The following KCNH7 variants were observed in gnomAD, a reference collection of about 807,000 sequenced individuals.
The protein encoded by KCNH7 is voltage-gated inwardly rectifying potassium channel KCNH7.
KCNH7 carries 49 observed loss-of-function variants against 120.8 expected under a neutral mutation model. The observed-to-expected ratio is 0.41, with a 90% confidence interval of 0.32 to 0.51. The LOEUF is 0.51. Ranked by LOEUF, KCNH7 falls within the 20% of genes least tolerant of loss-of-function variation. The pLI is 0.38. For synonymous variants in KCNH7, 547 were observed against 516.1 expected (o/e 1.06, Z -0.81); for missense variants, 1,097 against 1,446.6 (o/e 0.76, Z 3.92).
intron 8 of KCNH7, among the ~76,000 whole-genome samples, chr2:162,433,506 T>C (rs749106685): frequency 6.6e-6 from 1 of 151,830 alleles, no homozygotes; most frequent in Non-Finnish European, 1.5e-5. Flanking sequence ...TTCAACAAAG[T>C]TGATGAAAAT....
chr2:162,581,136 A>C (rs992282834), intron 2 of KCNH7, among the ~76,000 whole-genome samples: 5 of 152,012 alleles, frequency 3.3e-5, no homozygotes, highest in African/African-American at 1.2e-4. Context: ...CTGAAATTTG[A>C]TAGATCCCTG....
chr2:162,441,448 A>T (rs899389915), intron 7 of KCNH7, among the ~76,000 whole-genome samples: 9 of 152,118 alleles, frequency 5.9e-5, no homozygotes, highest in Non-Finnish European at 1.3e-4. Flanking sequence ...AGAGCACAGT[A>T]GTTACTTAGG....
intron 2 of KCNH7, among the ~76,000 whole-genome samples, chr2:162,570,162 T>C (rs1338317066): frequency 2.7e-5 from 4 of 149,298 alleles, no homozygotes; most frequent in African/African-American, 1.0e-4. Flanking sequence ...TGTGTGGGAG[T>C]CTAAGTCTCT....
At chr2:162,630,431 C>G (rs1477304735) in intron 2 of KCNH7, among the ~76,000 whole-genome samples, 2 of 150,748 alleles carry the variant, frequency 1.3e-5, no homozygotes, top group Non-Finnish European at 3.0e-5. Context: ...CATCTACAAC[C>G]AATAGATGCG....
chr2:162,595,843 G>A (rs1201704201), intron 2 of KCNH7, among the ~76,000 whole-genome samples: 3 of 151,584 alleles, frequency 2.0e-5, no homozygotes, highest in African/African-American at 4.8e-5. Flanking sequence ...AGAAATGTTA[G>A]AACAGCGAAA....
chr2:162,785,266 A>T (rs1050918996), intron 2 of KCNH7: 1 of 152,270 alleles, frequency 6.6e-6, no homozygotes, highest in African/African-American at 2.4e-5. Context: ...CAAACAGGAT[A>T]AACCAAGAGA....
intron 13 of KCNH7, among the ~76,000 whole-genome samples, chr2:162,383,117 G>A (rs1686472084): frequency 6.6e-6 from 1 of 151,910 alleles, no homozygotes; most frequent in African/African-American, 2.4e-5. Context: ...TCATTATAAA[G>A]TCAGAAAATC....
At chr2:162,715,506 T>C (rs1372905254) in intron 2 of KCNH7, among the ~76,000 whole-genome samples, 1 of 152,218 alleles carries the variant, frequency 6.6e-6, no homozygotes, top group Non-Finnish European at 1.5e-5. Context: ...TGTCCCCAGA[T>C]CATCAGCTCT....
intron 6 of KCNH7, among the ~76,000 whole-genome samples, chr2:162,459,268 A>G (rs1689072709): frequency 6.6e-6 from 1 of 152,132 alleles, no homozygotes; most frequent in African/African-American, 2.4e-5. Context: ...TAATGTATAT[A>G]GTAAGCATCT....
At chr2:162,742,094 C>T (rs1262611139) in intron 2 of KCNH7, among the ~76,000 whole-genome samples, 1 of 152,104 alleles carries the variant, frequency 6.6e-6, no homozygotes, top group Non-Finnish European at 1.5e-5. Flanking sequence ...AGTTCTGCAC[C>T]TGAAGACCAC....
chr2:162,566,568 A>G (rs1226199379), intron 2 of KCNH7, among the ~76,000 whole-genome samples: 6 of 152,084 alleles, frequency 3.9e-5, no homozygotes, highest in African/African-American at 1.4e-4. Flanking sequence ...CATGTAGACA[A>G]CATTTATTCA....
At chr2:162,514,857 A>G (rs1438960570) in intron 4 of KCNH7, among the ~76,000 whole-genome samples, 1 of 151,758 alleles carries the variant, frequency 6.6e-6, no homozygotes, top group African/African-American at 2.4e-5. Flanking sequence ...ATATATCTGC[A>G]AAATATTTAA....
intron 2 of KCNH7, among the ~76,000 whole-genome samples, chr2:162,798,819 T>C (rs1684238757): frequency 6.6e-6 from 1 of 152,066 alleles, no homozygotes; most frequent in Non-Finnish European, 1.5e-5. Flanking sequence ...ATCAAGTGCG[T>C]AGTGCAAACT....
intron 2 of KCNH7, among the ~76,000 whole-genome samples, chr2:162,805,877 T>A (rs546849645): frequency 1.3e-5 from 2 of 152,252 alleles, no homozygotes; most frequent in East Asian, 3.9e-4. Context: ...GTGGTATATA[T>A]ACAGCACAGA....
chr2:162,772,942 A>T (rs187314692), intron 2 of KCNH7, among the ~76,000 whole-genome samples: 1 of 152,324 alleles, frequency 6.6e-6, no homozygotes, highest in East Asian at 1.9e-4. Flanking sequence ...AATCCTACAC[A>T]TGGCTAACCT....
chr2:162,382,220 GA>G (rs1045135488), intron 13 of KCNH7, among the ~76,000 whole-genome samples: 17 of 151,976 alleles, frequency 1.1e-4, no homozygotes, highest in Non-Finnish European at 1.0e-4. Flanking sequence ...CAGGGCTCAA[GA>G]AAAAATAATT....
intron 6 of KCNH7, among the ~76,000 whole-genome samples, chr2:162,457,780 T>G (rs1689017340): frequency 6.6e-6 from 1 of 152,140 alleles, no homozygotes; most frequent in Non-Finnish European, 1.5e-5. Flanking sequence ...TGTATTTTTA[T>G]CTATCACAGA....
At chr2:162,683,262 C>T (rs1210608768) in intron 2 of KCNH7, among the ~76,000 whole-genome samples, 1 of 151,798 alleles carries the variant, frequency 6.6e-6, no homozygotes, top group East Asian at 1.9e-4. Flanking sequence ...CTTAAATGTA[C>T]ATCTCTTATT....
chr2:162,835,180 A>G (rs1457694367), intron 2 of KCNH7, among the ~76,000 whole-genome samples: 1 of 152,064 alleles, frequency 6.6e-6, no homozygotes, highest in Non-Finnish European at 1.5e-5. Context: ...TTTAAAAACA[A>G]TTTCTATCTG....
Sources: gnomAD v4.1 joint callset for allele counts (sites outside exome capture counted in the v4.1 genomes callset) on GRCh38, gnomAD v4.1.1 for gene constraint, MANE v1.5 for transcripts, NCBI Gene and HGNC (gene_info 2026-07-23, HGNC 2026-07-21) for gene names.